LTBP1: variants seen among roughly 807,000 people sequenced by gnomAD.
LTBP1 encodes latent transforming growth factor beta binding protein 1.
A neutral mutation model predicts 207.6 loss-of-function variants in LTBP1; 129 were observed. The observed-to-expected ratio is 0.62, with a 90% CI of 0.54 to 0.72. The LOEUF (loss-of-function observed/expected upper bound fraction) is 0.72, where lower values mean the gene tolerates loss of function less well. Ranked by LOEUF, LTBP1 falls within the 30% of genes least tolerant of loss-of-function variation. The pLI, the probability that LTBP1 is intolerant of heterozygous loss-of-function variation, is 0.00. For missense variants in LTBP1, 2,281 were observed against 2,217.2 expected (o/e 1.03, Z -0.58); for synonymous variants, 963 against 833.7 (o/e 1.16, Z -2.67).
chr2:33,213,050 A>G (rs894565797), intron 7 of LTBP1, among the ~76,000 whole-genome samples: 6 of 151,942 alleles, frequency 3.9e-5, no homozygotes, highest in Admixed American at 1.3e-4. Context: ...TCCTCAGTTG[A>G]TCCTTACAGG....
chr2:33,216,587 G>C (rs960158701), intron 7 of LTBP1, among the ~76,000 whole-genome samples: 9 of 152,184 alleles, frequency 5.9e-5, no homozygotes, highest in Admixed American at 6.5e-5. Context: ...TCTGGAAACT[G>C]TTGGGAGGAT....
At chr2:33,142,059 A>G (rs10184433) in intron 5 of LTBP1, among the ~76,000 whole-genome samples, 43,270 of 151,182 alleles carry the variant, frequency 0.29, 6,609 homozygotes, top group East Asian at 0.56. Flanking sequence ...TTTCTTCAGC[A>G]TTCTTTTTTT....
At chr2:33,048,597 T>A (rs1379215209) in intron 3 of LTBP1, among the ~76,000 whole-genome samples, 1 of 152,194 alleles carries the variant, frequency 6.6e-6, no homozygotes, top group Non-Finnish European at 1.5e-5. Flanking sequence ...GAAATCAACC[T>A]GTATAATAGT....
intron 3 of LTBP1, among the ~76,000 whole-genome samples, chr2:33,037,054 CT>C (rs1286221910): frequency 3.3e-5 from 5 of 151,988 alleles, no homozygotes; most frequent in African/African-American, 1.2e-4. Flanking sequence ...AAAGCTTTTT[CT>C]TTCACATTTC....
intron 7 of LTBP1, among the ~76,000 whole-genome samples, chr2:33,213,554 GAGA>G (rs1391371180): frequency 6.6e-6 from 1 of 152,172 alleles, no homozygotes; most frequent in African/African-American, 2.4e-5. Context: ...GTGTGGGAGA[GAGA>G]AGATCTTTCC....
chr2:33,262,572 C>T, intron 13 of LTBP1, 150 bp from the exon 14 acceptor site: 1 of 200,226 alleles, frequency 5.0e-6, no homozygotes. Context: ...TAATTTCACA[C>T]AATTATACAT....
chr2:33,121,940 C>T (rs2081145991), intron 4 of LTBP1, among the ~76,000 whole-genome samples: 1 of 152,014 alleles, frequency 6.6e-6, no homozygotes, highest in Non-Finnish European at 1.5e-5. Context: ...GACTTTCTCC[C>T]CTAACATTTT....
At position 33,031,306 on chromosome 2, in the gene LTBP1, A is replaced by G. The variant is rs542606107; in HGVS notation, c.863+10100A>G. Among the ~76,000 whole-genome samples, 5 of 152,302 alleles carry G rather than the reference A, an allele frequency of 3.3e-5. No individual in the cohort carries two copies. The South Asian group carries it at 6.2e-4, about 19-fold the overall frequency. On this transcript the variant is annotated intron_variant, in intron 3 of 33. Coordinates refer to ENST00000404816, the MANE Select transcript of LTBP1 (RefSeq NM_206943.4). The stretch of plus-strand genomic sequence containing the variant: ...CTATAACTTTCCAAGTTCTCTGTGC[A>G]TTTCTAACTGGTTGCGTTATCTCTG...
chr2:33,265,011 GC>G (rs2093134957), intron 15 of LTBP1, among the ~76,000 whole-genome samples: 1 of 152,154 alleles, frequency 6.6e-6, no homozygotes, highest in African/African-American at 2.4e-5. Flanking sequence ...GCGTCTGAGG[GC>G]AGGAGAAGAT....
At chr2:33,356,875 C>G (rs983122166) in intron 26 of LTBP1, among the ~76,000 whole-genome samples, 1 of 152,156 alleles carries the variant, frequency 6.6e-6, no homozygotes, top group African/African-American at 2.4e-5. Context: ...ATCACACACA[C>G]AGAGTTTTAT....
intron 4 of LTBP1, among the ~76,000 whole-genome samples, chr2:33,130,351 G>A (rs373718374): frequency 7.8e-4 from 119 of 152,234 alleles, no homozygotes; most frequent in African/African-American, 2.8e-3. Context: ...TTGGATGCAC[G>A]CTAATGTGCT....
chr2:33,321,446 C>A (rs1368497737), intron 24 of LTBP1, among the ~76,000 whole-genome samples: 1 of 151,968 alleles, frequency 6.6e-6, no homozygotes, highest in Non-Finnish European at 1.5e-5. Flanking sequence ...TCATTGGGAA[C>A]CAGAAAACAC....
At chr2:33,126,271 A>G (rs550283369) in intron 4 of LTBP1, among the ~76,000 whole-genome samples, 31 of 152,168 alleles carry the variant, frequency 2.0e-4, no homozygotes, top group African/African-American at 7.5e-4. Context: ...GTCTTGCTAT[A>G]TTGCCAGGGT....
intron 3 of LTBP1, among the ~76,000 whole-genome samples, chr2:33,106,801 G>A (rs114663179): frequency 3.9e-5 from 6 of 152,320 alleles, no homozygotes; most frequent in African/African-American, 1.4e-4. Context: ...TCAACTTAAA[G>A]TCATCAGCCA....
intron 3 of LTBP1, among the ~76,000 whole-genome samples, chr2:33,083,518 G>A (rs1327145982): frequency 1.3e-5 from 2 of 152,022 alleles, no homozygotes; most frequent in African/African-American, 4.8e-5. Flanking sequence ...GCAATGGGAG[G>A]CAAACAGGAG....
chr2:33,181,834 C>A (rs1415615464), intron 5 of LTBP1, among the ~76,000 whole-genome samples: 1 of 152,086 alleles, frequency 6.6e-6, no homozygotes, highest in African/African-American at 2.4e-5. Flanking sequence ...ACTTGGGAAG[C>A]ACAGATGATA....
At chr2:33,378,144 T>A (rs994684265) in intron 31 of LTBP1, among the ~76,000 whole-genome samples, 8 of 151,968 alleles carry the variant, frequency 5.3e-5, no homozygotes, top group Non-Finnish European at 1.2e-4. Context: ...TGATACTAAA[T>A]GATTTGGTCT....
chr2:33,184,225 G>T (rs566615351), intron 5 of LTBP1, among the ~76,000 whole-genome samples: 2 of 151,900 alleles, frequency 1.3e-5, no homozygotes, highest in South Asian at 4.2e-4. Flanking sequence ...AATCTTCCTG[G>T]AACACTCTTG....
intron 1 of LTBP1, 144 bp downstream of exon 1, chr2:32,947,962 T>A: frequency 1.6e-6 from 1 of 627,328 alleles, no homozygotes; most frequent in Non-Finnish European, 2.3e-6. Flanking sequence ...CGCCTCCGCC[T>A]GCTCTGGGCG....
Sources: allele counts gnomAD v4.1 joint callset (sites outside exome capture counted in the v4.1 genomes callset), GRCh38; gene constraint gnomAD v4.1.1; transcripts MANE v1.5; gene names NCBI Gene and HGNC (gene_info 2026-07-23, HGNC 2026-07-21).